MTUS2: variants seen among roughly 807,000 people sequenced by gnomAD.
MTUS2 encodes the protein microtubule associated scaffold protein 2.
A neutral mutation model predicts 114.1 loss-of-function variants in MTUS2; 40 were observed. The ratio of observed to expected loss-of-function variants is 0.35; its 90% CI spans 0.27 to 0.46. The LOEUF (loss-of-function observed/expected upper bound fraction) is 0.46, where lower values mean the gene tolerates loss of function less well. MTUS2 is among the 20% of genes least tolerant of loss of function. The pLI is 1.00. For missense variants in MTUS2, 1,679 were observed against 1,705.4 expected, an observed-to-expected ratio of 0.98 and a Z score of 0.27; for synonymous variants, 688 against 672.0, an observed-to-expected ratio of 1.02 and a Z score of -0.37.
At chr13:28,921,986 ACC>A (rs1593301857) in intron 2 of MTUS2, among the ~76,000 whole-genome samples, 2 of 152,142 alleles carry the variant, frequency 1.3e-5, no homozygotes, top group East Asian at 3.9e-4. Flanking sequence ...TTGTGTCCCC[ACC>A]CATATCTCAT....
rs369877813 is a variant in MTUS2, at chr13:29,024,963, C to G, written c.265C>G (p.Gln89Glu). The G allele has an allele frequency of 1.4e-5, 23 of 1,613,060 alleles. No homozygotes were observed. Among genetic ancestry groups the G allele is most frequent in the Non-Finnish European group, 1.9e-5 (23 of 1,179,682 alleles). The change falls in exon 3 of 16, where the codon CAG (glutamine) becomes GAG (glutamate). Residue 89 changes from glutamine (Q) to glutamate (E), a missense_variant. By Grantham distance (29) the Gln-to-Glu change is conservative. Coordinates refer to ENST00000612955, the MANE Select transcript of MTUS2 (RefSeq NM_001033602.4). ...HQLQGFGKGS[Q>E]AGSASLKDFR... Reference sequence around the variant, plus strand: ...ACTTCAGGGCTTTGGGAAAGGCTCTCAGGCTGGCTCTGCCAGCCTGAAAGA... The same window carrying G: ...ACTTCAGGGCTTTGGGAAAGGCTCTGAGGCTGGCTCTGCCAGCCTGAAAGA...
At chr13:29,184,666 G>A (rs772085314) in intron 5 of MTUS2, among the ~76,000 whole-genome samples, 17 of 152,138 alleles carry the variant, frequency 1.1e-4, no homozygotes, top group Non-Finnish European at 2.2e-4. Flanking sequence ...TGTCCTGTAA[G>A]CTAATTGGGC....
chr13:29,023,807 G>A (rs1383792119), intron 2 of MTUS2, among the ~76,000 whole-genome samples: 3 of 152,168 alleles, frequency 2.0e-5, no homozygotes, highest in Non-Finnish European at 4.4e-5. Flanking sequence ...TTAAATTCTG[G>A]TTGAACATTA....
chr13:28,857,931 G>C (rs1437001975), intron 2 of MTUS2, among the ~76,000 whole-genome samples: 1 of 152,182 alleles, frequency 6.6e-6, no homozygotes, highest in East Asian at 1.9e-4. Flanking sequence ...TAAGAACACT[G>C]TAGTGTATAA....
intron 5 of MTUS2, among the ~76,000 whole-genome samples, chr13:29,211,413 C>G (rs1268663478): frequency 1.3e-5 from 2 of 152,302 alleles, no homozygotes; most frequent in Non-Finnish European, 2.9e-5. Flanking sequence ...CGCCTCCCCA[C>G]CTGCAGCAGC....
intron 2 of MTUS2, among the ~76,000 whole-genome samples, chr13:28,963,519 A>T (rs547358594): frequency 1.3e-5 from 2 of 152,356 alleles, no homozygotes; most frequent in South Asian, 4.1e-4. Flanking sequence ...ACGTGTGTGT[A>T]TATGCACATG....
chr13:29,024,649 T>C lies in MTUS2; in HGVS notation c.-50T>C. ...CTGATTGCAGCTTGAAGGCAGCCCA[T>C]TTCCATTAAGTAGGACTGCATGGCA... is the stretch of plus-strand genomic sequence containing the variant. On this transcript the variant is annotated 5_prime_UTR_variant, in exon 3 of 16. Transcript: ENST00000612955. The C allele has an allele frequency of 1.3e-6, 2 of 1,580,636 alleles. No homozygotes were observed. Among genetic ancestry groups the C allele is most frequent in the Non-Finnish European group, 1.7e-6 (2 of 1,165,384 alleles).
intron 2 of MTUS2, among the ~76,000 whole-genome samples, chr13:28,849,693 C>G (rs1464710677): frequency 1.3e-5 from 2 of 152,012 alleles, no homozygotes; most frequent in African/African-American, 4.8e-5. Context: ...TTCTCTCTCA[C>G]CGTTTTCCTG....
chr13:29,162,335 T>C (rs1236025537), intron 5 of MTUS2, among the ~76,000 whole-genome samples: 5 of 152,186 alleles, frequency 3.3e-5, no homozygotes, highest in Admixed American at 6.5e-5. Context: ...ATAAGTGATT[T>C]GTTTTGTTAT....
At chr13:29,067,742 T>A (rs1037856676) in intron 4 of MTUS2, among the ~76,000 whole-genome samples, 1 of 152,082 alleles carries the variant, frequency 6.6e-6, no homozygotes, top group African/African-American at 2.4e-5. Context: ...AGTGCTACAG[T>A]GGCCTGTGGA....
At chr13:29,283,913 A>G (rs962368473) in intron 6 of MTUS2, among the ~76,000 whole-genome samples, 1 of 152,214 alleles carries the variant, frequency 6.6e-6, no homozygotes, top group Non-Finnish European at 1.5e-5. Context: ...GTTTGACAAC[A>G]TATTCTGTTT....
intron 7 of MTUS2, among the ~76,000 whole-genome samples, chr13:29,330,248 T>A (rs576372888): frequency 6.6e-6 from 1 of 152,204 alleles, no homozygotes; most frequent in Non-Finnish European, 1.5e-5. Flanking sequence ...TTTTGAGAAG[T>A]GTCTGTTGAT....
chr13:29,502,902 G>A, intron 15 of MTUS2, 91 bp from the exon 16 acceptor site: 1 of 1,305,220 alleles, frequency 7.7e-7, no homozygotes, highest in Non-Finnish European at 1.1e-6. Flanking sequence ...GGTCATCATG[G>A]CCTCCTCCCT....
At chr13:29,146,426 G>A (rs1039459565) in intron 5 of MTUS2, among the ~76,000 whole-genome samples, 5 of 152,146 alleles carry the variant, frequency 3.3e-5, no homozygotes, top group South Asian at 2.1e-4. Flanking sequence ...AGTTACACTC[G>A]CATTTCTTAA....
chr13:29,410,005 G>GTA (rs1324810782), intron 8 of MTUS2, among the ~76,000 whole-genome samples: 2 of 152,108 alleles, frequency 1.3e-5, no homozygotes, highest in Admixed American at 1.3e-4. Flanking sequence ...GAAAGTACAT[G>GTA]TATAGTTTTA....
chr13:28,845,892 G>C (rs1875846145), intron 2 of MTUS2, among the ~76,000 whole-genome samples: 1 of 151,820 alleles, frequency 6.6e-6, no homozygotes, highest in Admixed American at 6.6e-5. Context: ...AATGAGAAGG[G>C]AGAGCACTCA....
At chr13:28,847,929 G>A (rs990244937) in intron 2 of MTUS2, among the ~76,000 whole-genome samples, 3 of 152,162 alleles carry the variant, frequency 2.0e-5, no homozygotes, top group African/African-American at 7.2e-5. Context: ...ACTGTCACAG[G>A]TGGGCTTTTA....
chr13:28,949,678 T>C (rs1882713167), intron 2 of MTUS2, among the ~76,000 whole-genome samples: 1 of 152,236 alleles, frequency 6.6e-6, no homozygotes, highest in Admixed American at 6.5e-5. Flanking sequence ...ATGACTGCTC[T>C]GGTACCTTAT....
chr13:28,924,199 G>GTA (rs1319194240), intron 2 of MTUS2, among the ~76,000 whole-genome samples: 1 of 152,168 alleles, frequency 6.6e-6, no homozygotes. Flanking sequence ...ACAGTCCTAG[G>GTA]TAGGTCCCTG....
Sources: allele counts gnomAD v4.1 joint callset (sites outside exome capture counted in the v4.1 genomes callset), GRCh38; gene constraint gnomAD v4.1.1; transcripts MANE v1.5; gene names NCBI Gene and HGNC (gene_info 2026-07-23, HGNC 2026-07-21).